Variants in CHCHD6 observed in about 807,000 individuals in gnomAD.
The protein encoded by CHCHD6 is coiled-coil-helix-coiled-coil-helix domain containing 6, also known as MICOS complex subunit MIC25.
CHCHD6 carries 28 observed loss-of-function variants against 32.3 expected under a neutral mutation model. The ratio of observed to expected loss-of-function variants is 0.87; its 90% CI spans 0.64 to 1.19. CHCHD6 has a LOEUF of 1.19. Ranked by LOEUF, CHCHD6 falls within the 50% of genes most tolerant of loss-of-function variation. CHCHD6 has a pLI of 0.00. For synonymous variants in CHCHD6, 122 were observed against 117.5 expected, an observed-to-expected ratio of 1.04 and a Z score of -0.25; for missense variants, 333 against 307.0, an observed-to-expected ratio of 1.08 and a Z score of -0.63.
chr3:126,917,189 A>T (rs181457574), intron 6 of CHCHD6, among the ~76,000 whole-genome samples: 1 of 152,352 alleles, frequency 6.6e-6, no homozygotes, highest in African/African-American at 2.4e-5. Flanking sequence ...AATAATTAGC[A>T]CTATTTACTA....
At chr3:126,913,767 G>C (rs544214631) in intron 5 of CHCHD6, among the ~76,000 whole-genome samples, 2 of 152,340 alleles carry the variant, frequency 1.3e-5, no homozygotes, top group African/African-American at 4.8e-5. Context: ...TAGCAGATGC[G>C]TTAATGTCAG....
At chr3:126,863,651 C>T (rs1398781551) in intron 5 of CHCHD6, among the ~76,000 whole-genome samples, 1 of 142,430 alleles carries the variant, frequency 7.0e-6, no homozygotes, top group African/African-American at 2.8e-5. Context: ...ACCATCACCA[C>T]CTCCCCCTCC....
intron 4 of CHCHD6, among the ~76,000 whole-genome samples, chr3:126,758,386 C>CAT (rs1937043312): frequency 6.6e-6 from 1 of 152,218 alleles, no homozygotes; most frequent in African/African-American, 2.4e-5. Flanking sequence ...TGGTGTTGAA[C>CAT]TACATCTCAT....
At chr3:126,795,231 C>T (rs1938737217) in intron 4 of CHCHD6, among the ~76,000 whole-genome samples, 1 of 152,248 alleles carries the variant, frequency 6.6e-6, no homozygotes, top group Middle Eastern at 3.4e-3. Flanking sequence ...AATCCCAGTT[C>T]TGTCATTTAT....
rs531164107 is a variant in CHCHD6, at chr3:126,787,307, G to A, written c.411+54085G>A. ...GGCTTAGGATTGACTTGGCAATGCG[G>A]GCTCTTTTTTGGTTCCATATGAACT... On this transcript the variant is annotated intron_variant, in intron 4 of 7. Transcript: ENST00000290913. Among the ~76,000 whole-genome samples the A allele has an allele frequency of 8.7e-3, 1,325 of 152,290 alleles. 17 individuals are homozygous for A. Among genetic ancestry groups the A allele is most frequent in the African/African-American group, 0.03 (1,263 of 41,550 alleles).
At chr3:126,893,993 A>C (rs2107579534) in intron 5 of CHCHD6, among the ~76,000 whole-genome samples, 1 of 152,272 alleles carries the variant, frequency 6.6e-6, no homozygotes, top group South Asian at 2.1e-4. Flanking sequence ...GGCTGCAAAC[A>C]CACCTCCAGG....
intron 5 of CHCHD6, among the ~76,000 whole-genome samples, chr3:126,856,163 C>T (rs935365924): frequency 3.4e-4 from 51 of 152,170 alleles, no homozygotes; most frequent in African/African-American, 1.2e-3. Flanking sequence ...CACAAAATCT[C>T]ATAATGTTTT....
rs534086009 is a variant in CHCHD6 at position 126,734,740 on chromosome 3, C to T, written c.411+1518C>T. ...TGGATCAGAGCTGGTAGATCAGAGA[C>T]GGCATTAAACTCAGCCTTAAGGCTG... On this transcript the variant is annotated intron_variant, in intron 4 of 7. Transcript: ENST00000290913. Among the ~76,000 whole-genome samples, 29 of 152,218 alleles carry T rather than the reference C, an allele frequency of 1.9e-4. No homozygotes were observed. In the South Asian group the frequency reaches 5.0e-3, roughly 26 times the overall value.
chr3:126,741,552 G>A (rs1576360657), intron 4 of CHCHD6, among the ~76,000 whole-genome samples: 1 of 152,164 alleles, frequency 6.6e-6, no homozygotes, highest in South Asian at 2.1e-4. Flanking sequence ...CCTTTTGCCT[G>A]TGTCGCCTGG....
chr3:126,810,332 A>G (rs1481890536), intron 4 of CHCHD6, among the ~76,000 whole-genome samples: 1 of 152,220 alleles, frequency 6.6e-6, no homozygotes, highest in African/African-American at 2.4e-5. Flanking sequence ...CGTGTGCAAG[A>G]GCAAAATCTT....
chr3:126,854,113 T>A (rs555115754), intron 5 of CHCHD6, among the ~76,000 whole-genome samples: 1 of 152,184 alleles, frequency 6.6e-6, no homozygotes, highest in South Asian at 2.1e-4. Flanking sequence ...TTCTCCCCTC[T>A]CATCTCTACC....
intron 4 of CHCHD6, among the ~76,000 whole-genome samples, chr3:126,790,988 C>T (rs748633560): frequency 3.5e-4 from 53 of 152,182 alleles, no homozygotes; most frequent in Non-Finnish European, 6.9e-4. Flanking sequence ...TAGTGAGGTA[C>T]AGATGGGGTT....
intron 5 of CHCHD6, among the ~76,000 whole-genome samples, chr3:126,895,020 T>G (rs1223645873): frequency 6.6e-6 from 1 of 152,250 alleles, no homozygotes; most frequent in Admixed American, 6.5e-5. Flanking sequence ...TTCAGAAATT[T>G]GTAATGCATA....
intron 5 of CHCHD6, among the ~76,000 whole-genome samples, chr3:126,896,921 GC>G (rs1373756015): frequency 6.6e-6 from 1 of 152,180 alleles, no homozygotes; most frequent in East Asian, 1.9e-4. Flanking sequence ...TTGCTTTCCT[GC>G]ATTTTCCCTG....
At chr3:126,724,566 G>A (rs1364763944) in intron 1 of CHCHD6, among the ~76,000 whole-genome samples, 3 of 152,164 alleles carry the variant, frequency 2.0e-5, no homozygotes, top group African/African-American at 4.8e-5. Context: ...GATGGTGGTT[G>A]GCTGTGGCAG....
intron 4 of CHCHD6, among the ~76,000 whole-genome samples, chr3:126,836,993 C>T (rs1295650117): frequency 1.3e-5 from 2 of 152,214 alleles, no homozygotes; most frequent in African/African-American, 4.8e-5. Context: ...CTGTGCAAAT[C>T]TGGGGTTCCT....
At chr3:126,850,753 A>G (rs899652559) in intron 4 of CHCHD6, among the ~76,000 whole-genome samples, 1 of 152,194 alleles carries the variant, frequency 6.6e-6, no homozygotes, top group Non-Finnish European at 1.5e-5. Flanking sequence ...TAATTGCATC[A>G]GACGAGCTTC....
chr3:126,813,514 A>G (rs1179137253), intron 4 of CHCHD6, among the ~76,000 whole-genome samples: 1 of 152,244 alleles, frequency 6.6e-6, no homozygotes, highest in Non-Finnish European at 1.5e-5. Context: ...AGCATCTGCT[A>G]GGTACTGGCC....
intron 6 of CHCHD6, among the ~76,000 whole-genome samples, chr3:126,932,462 C>T (rs2078419673): frequency 6.6e-6 from 1 of 152,226 alleles, no homozygotes; most frequent in African/African-American, 2.4e-5. Context: ...CCTCTAAATC[C>T]ATCCTGACTT....
Sources: allele counts gnomAD v4.1 joint callset (sites outside exome capture counted in the v4.1 genomes callset), GRCh38; gene constraint gnomAD v4.1.1; transcripts MANE v1.5; gene names NCBI Gene and HGNC (gene_info 2026-07-23, HGNC 2026-07-21).